Variants in ARL15 observed in about 807,000 individuals in gnomAD.
ARL15 encodes ADP-ribosylation factor-like protein 15.
In ARL15, 19 loss-of-function variants were observed where a neutral mutation model predicts 25.2. The ratio of observed to expected loss-of-function variants is 0.75; its 90% CI spans 0.53 to 1.10. The LOEUF is 1.10. Among genes scored for constraint, ARL15 ranks in the 50% least tolerant of loss-of-function variants. The probability of loss-of-function intolerance (pLI) is 0.00; values close to 1 mark genes in which losing one functional copy is unlikely to be tolerated. For synonymous variants in ARL15, 94 were observed against 86.8 expected (o/e 1.08, Z -0.46); for missense variants, 220 against 246.0 (o/e 0.89, Z 0.71).
At chr5:54,188,170 A>G (rs1755291471) in intron 1 of ARL15, among the ~76,000 whole-genome samples, 1 of 152,200 alleles carries the variant, frequency 6.6e-6, no homozygotes, top group Admixed American at 6.5e-5. Flanking sequence ...AATCATATTT[A>G]TGGTTAGCAA....
intron 1 of ARL15, among the ~76,000 whole-genome samples, chr5:54,209,624 A>G (rs189476173): frequency 1.1e-3 from 165 of 152,296 alleles, no homozygotes; most frequent in African/African-American, 3.6e-3. Context: ...TGTATTTTAC[A>G]GCACAAGTAG....
At chr5:54,205,687 C>T (rs1300115235) in intron 1 of ARL15, among the ~76,000 whole-genome samples, 2 of 152,132 alleles carry the variant, frequency 1.3e-5, no homozygotes, top group African/African-American at 4.8e-5. Context: ...TGAGCACCAC[C>T]ATAATTAACT....
At chr5:53,900,767 G>A (rs1315304396) in intron 4 of ARL15, among the ~76,000 whole-genome samples, 1 of 152,156 alleles carries the variant, frequency 6.6e-6, no homozygotes, top group Non-Finnish European at 1.5e-5. Flanking sequence ...ATGGTTTCAT[G>A]AAGGAGGTGG....
chr5:54,151,790 T>C (rs1349053269), intron 3 of ARL15, among the ~76,000 whole-genome samples: 1 of 152,156 alleles, frequency 6.6e-6, no homozygotes, highest in Non-Finnish European at 1.5e-5. Context: ...TCACCCCATA[T>C]CATTTCTTCT....
chr5:54,053,339 G>T (rs1750757578), intron 4 of ARL15, among the ~76,000 whole-genome samples: 1 of 151,976 alleles, frequency 6.6e-6, no homozygotes, highest in South Asian at 2.1e-4. Context: ...AAATAAATGG[G>T]GTAGAAGAGA....
intron 4 of ARL15, among the ~76,000 whole-genome samples, chr5:53,934,433 G>A (rs567314608): frequency 6.6e-6 from 1 of 150,952 alleles, no homozygotes. Context: ...TATAAATTGA[G>A]AAAAAAAAAA....
At chr5:53,983,533 G>C (rs938932474) in intron 4 of ARL15, among the ~76,000 whole-genome samples, 6 of 152,164 alleles carry the variant, frequency 3.9e-5, no homozygotes, top group African/African-American at 1.2e-4. Flanking sequence ...CAGAGAAGGT[G>C]CACTCTGGTT....
intron 4 of ARL15, among the ~76,000 whole-genome samples, chr5:54,106,661 C>T (rs989374801): frequency 7.2e-5 from 11 of 151,776 alleles, no homozygotes; most frequent in African/African-American, 1.2e-4. Flanking sequence ...ATAGACTATA[C>T]GTGTTGAATT....
At position 53,885,784 on chromosome 5, in the gene ARL15, T is replaced by G. The variant is rs1363366869; in HGVS notation, c.*777A>C. 6.6e-6 allele frequency: 1 copy of G among 152,214 alleles called. No individual in the cohort carries two copies. The highest frequency in any genetic ancestry group is 1.5e-5 in the Non-Finnish European group (1 of 68,040). 9.4% of individuals were successfully genotyped at this position (152,214 alleles called of 1,614,324 possible). A position where few individuals can be genotyped will look rare whatever the true frequency, so the allele number is the denominator to read the frequency against. ...TATGTTACATTGCAGCTTCACTTTA[T>G]GCAGGCTCATCATTCCATTAAACAA... On this transcript the variant is annotated 3_prime_UTR_variant, in exon 5 of 5. Transcript: ENST00000504924.
intron 1 of ARL15, among the ~76,000 whole-genome samples, chr5:54,230,118 G>T (rs747580873): frequency 3.9e-5 from 6 of 152,132 alleles, no homozygotes; most frequent in Non-Finnish European, 8.8e-5. Flanking sequence ...TCGGGAGGCT[G>T]AGGCAGGTGG....
chr5:54,076,293 C>T (rs1190866597), intron 4 of ARL15, among the ~76,000 whole-genome samples: 1 of 149,450 alleles, frequency 6.7e-6, no homozygotes, highest in Non-Finnish European at 1.5e-5. Context: ...TGGTGGCAGG[C>T]GCCTGTAGTT....
intron 4 of ARL15, among the ~76,000 whole-genome samples, chr5:54,056,524 G>C (rs1750874791): frequency 1.3e-5 from 2 of 151,266 alleles, no homozygotes. Context: ...CAGCTACTCG[G>C]GAGGCTGAGG....
intron 1 of ARL15, among the ~76,000 whole-genome samples, chr5:54,301,780 T>C (rs1758621677): frequency 6.6e-6 from 1 of 152,216 alleles, no homozygotes; most frequent in South Asian, 2.1e-4. Flanking sequence ...AGCTCTCCTG[T>C]TGAAAAAAGA....
chr5:54,086,029 C>T (rs1312400209), intron 4 of ARL15, among the ~76,000 whole-genome samples: 1 of 152,084 alleles, frequency 6.6e-6, no homozygotes, highest in Non-Finnish European at 1.5e-5. Flanking sequence ...ATTCTCCTGC[C>T]TCAGCCTCCT....
At chr5:54,271,819 G>T (rs948364389) in intron 1 of ARL15, among the ~76,000 whole-genome samples, 1 of 152,222 alleles carries the variant, frequency 6.6e-6, no homozygotes, top group South Asian at 2.1e-4. Flanking sequence ...ATAAGTTTAT[G>T]TTCTACAAAG....
chr5:53,928,736 G>A (rs1246453721), intron 4 of ARL15, among the ~76,000 whole-genome samples: 1 of 152,152 alleles, frequency 6.6e-6, no homozygotes. Context: ...GCTGTCGGGT[G>A]ATTGGTTCAA....
chr5:53,923,260 G>A (rs184567354), intron 4 of ARL15, among the ~76,000 whole-genome samples: 54 of 152,244 alleles, frequency 3.5e-4, no homozygotes, highest in Middle Eastern at 6.8e-3. Flanking sequence ...CAGAAACAAA[G>A]TCCTTTTGCC....
chr5:54,253,677 G>A (rs1233894977), intron 1 of ARL15, among the ~76,000 whole-genome samples: 1 of 151,460 alleles, frequency 6.6e-6, no homozygotes, highest in African/African-American at 2.4e-5. Flanking sequence ...CTGCAGCATC[G>A]ACCTCGGAGC....
chr5:53,902,754 G>C (rs1171732328), intron 4 of ARL15, among the ~76,000 whole-genome samples: 2 of 152,158 alleles, frequency 1.3e-5, no homozygotes, highest in East Asian at 1.9e-4. Context: ...CAGATGCAGA[G>C]ATATTCAAGG....
Sources: gnomAD v4.1 joint callset for allele counts (sites outside exome capture counted in the v4.1 genomes callset) on GRCh38, gnomAD v4.1.1 for gene constraint, MANE v1.5 for transcripts, NCBI Gene and HGNC (gene_info 2026-07-23, HGNC 2026-07-21) for gene names.